Variants in RBMS1 observed in about 807,000 individuals in gnomAD.
RBMS1 encodes RNA-binding motif, single-stranded-interacting protein 1.
In RBMS1, 17 loss-of-function variants were observed where a neutral mutation model predicts 62.3. That is an observed-to-expected ratio of 0.27 (90% CI 0.19 to 0.41). The LOEUF (loss-of-function observed/expected upper bound fraction) is 0.41, where lower values mean the gene tolerates loss of function less well. Among genes scored for constraint, RBMS1 ranks in the 10% least tolerant of loss-of-function variants. The pLI is 1.00. For synonymous variants in RBMS1, 172 were observed against 170.0 expected (o/e 1.01, Z -0.09); for missense variants, 334 against 504.5 (o/e 0.66, Z 3.24).
chr2:160,304,862 T>C (rs1689414679), intron 4 of RBMS1, among the ~76,000 whole-genome samples: 1 of 152,092 alleles, frequency 6.6e-6, no homozygotes, highest in African/African-American at 2.4e-5. Context: ...AGAACAAAAA[T>C]TTTTCTTTTT....
chr2:160,317,104 T>C (rs1413775563), intron 3 of RBMS1, among the ~76,000 whole-genome samples: 1 of 152,214 alleles, frequency 6.6e-6, no homozygotes, highest in Admixed American at 6.5e-5. Flanking sequence ...TGTGCCATGT[T>C]GATTAAACAT....
intron 2 of RBMS1, among the ~76,000 whole-genome samples, chr2:160,324,782 C>T (rs1226960929): frequency 6.6e-6 from 1 of 150,712 alleles, no homozygotes; most frequent in Non-Finnish European, 1.5e-5. Flanking sequence ...CTTATGACCT[C>T]GTGAGTTAAT....
chr2:160,285,558 G>A (rs1688337790), intron 7 of RBMS1, among the ~76,000 whole-genome samples: 2 of 151,518 alleles, frequency 1.3e-5, no homozygotes. Context: ...ATATGTTATT[G>A]TTTTTAAAAT....
chr2:160,405,469 G>A (rs1002738460), intron 1 of RBMS1, among the ~76,000 whole-genome samples: 4 of 152,272 alleles, frequency 2.6e-5, no homozygotes, highest in South Asian at 2.1e-4. Context: ...GCCAGGATGA[G>A]ATCACAAAGT....
chr2:160,296,999 C>G (rs1227790696), intron 6 of RBMS1, among the ~76,000 whole-genome samples: 1 of 152,146 alleles, frequency 6.6e-6, no homozygotes, highest in African/African-American at 2.4e-5. Flanking sequence ...CAGTTAAAGG[C>G]TCCCTCTCCA....
At chr2:160,414,708 A>AT (rs1487658842) in intron 1 of RBMS1, among the ~76,000 whole-genome samples, 1 of 152,148 alleles carries the variant, frequency 6.6e-6, no homozygotes, top group East Asian at 1.9e-4. Flanking sequence ...AGGGTTATCT[A>AT]TAAGTTTCTG....
intron 4 of RBMS1, among the ~76,000 whole-genome samples, chr2:160,310,369 C>T (rs1338358294): frequency 6.6e-6 from 1 of 152,200 alleles, no homozygotes; most frequent in Non-Finnish European, 1.5e-5. Context: ...AGACACACAT[C>T]CCTTATGTTG....
chr2:160,298,856 G>A (rs777093191), intron 6 of RBMS1, among the ~76,000 whole-genome samples: 1 of 152,172 alleles, frequency 6.6e-6, no homozygotes, highest in East Asian at 1.9e-4. Flanking sequence ...CTAAGAAAGG[G>A]AAATCTGGGC....
intron 1 of RBMS1, among the ~76,000 whole-genome samples, chr2:160,447,427 C>A (rs1559561056): frequency 6.6e-6 from 1 of 152,184 alleles, no homozygotes; most frequent in Admixed American, 6.5e-5. Context: ...ATTCATAATT[C>A]TATTTTGTTC....
chr2:160,398,445 G>A (rs1198408718), intron 1 of RBMS1, among the ~76,000 whole-genome samples: 1 of 152,148 alleles, frequency 6.6e-6, no homozygotes, highest in Non-Finnish European at 1.5e-5. Flanking sequence ...CTGACTTCAA[G>A]GTAATCTCAA....
At chr2:160,411,233 GA>G (rs1696020212) in intron 1 of RBMS1, among the ~76,000 whole-genome samples, 1 of 152,208 alleles carries the variant, frequency 6.6e-6, no homozygotes, top group African/African-American at 2.4e-5. Context: ...CACCCTTGGG[GA>G]TTTGATTCTG....
At chr2:160,292,785 G>T (rs1380283519) in intron 6 of RBMS1, among the ~76,000 whole-genome samples, 1 of 152,178 alleles carries the variant, frequency 6.6e-6, no homozygotes, top group African/African-American at 2.4e-5. Flanking sequence ...ATTGTTGTAA[G>T]GCAGCCTCAC....
At chr2:160,431,350 A>T (rs1390172842) in intron 1 of RBMS1, among the ~76,000 whole-genome samples, 1 of 151,794 alleles carries the variant, frequency 6.6e-6, no homozygotes, top group Non-Finnish European at 1.5e-5. Flanking sequence ...CAAGCATCCC[A>T]CTATCTTTTG....
intron 1 of RBMS1, among the ~76,000 whole-genome samples, chr2:160,438,062 C>G (rs912717324): frequency 6.6e-6 from 1 of 152,162 alleles, no homozygotes; most frequent in Admixed American, 6.5e-5. Context: ...CCTACCATTG[C>G]TGGAAGGGAA....
chr2:160,342,830 TG>T (rs1691953315), intron 2 of RBMS1, among the ~76,000 whole-genome samples: 1 of 150,520 alleles, frequency 6.6e-6, no homozygotes, highest in Non-Finnish European at 1.5e-5. Context: ...CCTAGTTACT[TG>T]GGAGGCTGAG....
intron 1 of RBMS1, among the ~76,000 whole-genome samples, chr2:160,385,971 T>C (rs188458333): frequency 1.6e-4 from 25 of 152,320 alleles, no homozygotes; most frequent in African/African-American, 6.0e-4. Flanking sequence ...ATAATGTTTC[T>C]ACACACAAAA....
chr2:160,377,177 A>G (rs965490167), intron 1 of RBMS1, among the ~76,000 whole-genome samples: 1 of 152,212 alleles, frequency 6.6e-6, no homozygotes, highest in Non-Finnish European at 1.5e-5. Context: ...AAATAGGCAC[A>G]GACATATAAA....
rs922826535 is a variant in RBMS1, at chr2:160,415,107, T to C, written c.76-47716A>G. The stretch of plus-strand genomic sequence containing the variant: ...GACTGGACGATGTCTCAATCTTCTA[T>C]ACTCTGATTGTGCAAATCTAGTATG... On this transcript the variant is annotated intron_variant, in intron 1 of 13. Transcript: ENST00000348849. 4.6e-5 allele frequency among the ~76,000 whole-genome samples: 7 copies of C among 152,074 alleles called. 1 individual carries two copies. The South Asian group carries it at 8.3e-4, about 18-fold the overall frequency.
chr2:160,488,268 T>A (rs998629627), intron 1 of RBMS1, among the ~76,000 whole-genome samples: 2 of 152,228 alleles, frequency 1.3e-5, no homozygotes, highest in African/African-American at 4.8e-5. Context: ...GGTTTCATTA[T>A]TTATTCATTA....
Sources: gnomAD v4.1 joint callset for allele counts (sites outside exome capture counted in the v4.1 genomes callset) on GRCh38, gnomAD v4.1.1 for gene constraint, MANE v1.5 for transcripts, NCBI Gene and HGNC (gene_info 2026-07-23, HGNC 2026-07-21) for gene names.